The following SEMA3F variants were observed in gnomAD, a reference collection of about 807,000 sequenced individuals.
SEMA3F encodes semaphorin 3F, also known as semaphorin-3F.
A neutral mutation model predicts 98.5 loss-of-function variants in SEMA3F; 30 were observed. That is an observed-to-expected ratio of 0.30 (90% confidence interval 0.23 to 0.41). The LOEUF (loss-of-function observed/expected upper bound fraction) is 0.41, where lower values mean the gene tolerates loss of function less well. Among genes scored for constraint, SEMA3F ranks in the 10% least tolerant of loss-of-function variants. The pLI, the probability that SEMA3F is intolerant of heterozygous loss-of-function variation, is 1.00. For missense variants in SEMA3F, 866 were observed against 1,119.3 expected, an observed-to-expected ratio of 0.77 and a Z score of 3.23; for synonymous variants, 380 against 444.8, an observed-to-expected ratio of 0.85 and a Z score of 1.83.
At chr3:50,183,100 T>C in intron 10 of SEMA3F, 82 bp downstream of exon 10, 2 of 1,562,454 alleles carry the variant, frequency 1.3e-6, no homozygotes, top group South Asian at 2.2e-5. Flanking sequence ...GTGCCTTTGG[T>C]GGGCCCCCTC....
chr3:50,186,294 C>T lies in SEMA3F; in HGVS notation c.1759C>T (p.Gln587Ter). The T allele has an allele frequency of 6.2e-7, 1 of 1,613,790 alleles. No homozygotes were observed. Among genetic ancestry groups the T allele is most frequent in the Non-Finnish European group, 8.5e-7 (1 of 1,179,970 alleles). Reference sequence around the variant, plus strand: ...ATCCTCATCCAGGCGGAGCCGCCGGCAGGACGTCCGGCACGGAAACCCCAT... The same window carrying T: ...ATCCTCATCCAGGCGGAGCCGCCGGTAGGACGTCCGGCACGGAAACCCCAT... ...TASSKRRSRR[Q>*]DVRHGNPIRQ... is the part of the protein sequence containing the mutation. The change falls in exon 17 of 19, where the codon CAG becomes TAG. Residue 587 changes from glutamine to a stop codon, truncating the protein, a stop_gained. Transcript: ENST00000002829. LOFTEE classifies it high-confidence loss of function.
intron 2 of SEMA3F, among the ~76,000 whole-genome samples, chr3:50,170,836 T>C (rs935883137): frequency 2.0e-5 from 3 of 152,052 alleles, no homozygotes; most frequent in African/African-American, 4.8e-5. Flanking sequence ...AAGCGTCACG[T>C]CCTGTGACAC....
Position 50,186,340 on chromosome 3 carries a change from A to T in SEMA3F, c.1805A>T (p.Asn602Ile). ...CCCATCAGGCAGTGCCGTGGGTTCA[A>T]CTCCAATGGTGAGTATGCTGGGCCT... The part of the protein sequence containing the change: ...GNPIRQCRGF[N>I]SNANKNAVES... Residue 602 changes from asparagine to isoleucine, a missense_variant, in exon 17 of 19, where the codon AAC (asparagine) becomes ATC (isoleucine). By Grantham distance (149) the Asn-to-Ile change is moderately radical (BLOSUM62 -3). Coordinates refer to ENST00000002829, the MANE Select transcript of SEMA3F (RefSeq NM_004186.5). 1 of 1,613,670 alleles carries T rather than the reference A, an allele frequency of 6.2e-7. No individual in the cohort carries two copies. Among genetic ancestry groups the T allele is most frequent in the Non-Finnish European group, 8.5e-7 (1 of 1,179,882 alleles).
chr3:50,182,477 GT>G lies in SEMA3F; in HGVS notation c.763+75del. The G allele has an allele frequency of 3.1e-6, 5 of 1,599,450 alleles. No homozygotes were observed. The highest frequency in any genetic ancestry group is 4.3e-6 in the Non-Finnish European group (5 of 1,173,050). ...GCAAGGAGGTCGTAAAGAAGCACATGTGGGGGAAGTGGGGACATGTTTAGCC... is the reference window on the plus strand; with the variant it reads ...GCAAGGAGGTCGTAAAGAAGCACATGGGGGGAAGTGGGGACATGTTTAGCC... On this transcript the variant is annotated intron_variant, in intron 8 of 18. Transcript: ENST00000002829. The surrounding 1 kb of genome is among the most constrained non-coding windows in gnomAD (Gnocchi z 4.5).
chr3:50,167,578 T>C (rs953059683), intron 2 of SEMA3F, among the ~76,000 whole-genome samples: 25 of 145,170 alleles, frequency 1.7e-4, no homozygotes, highest in African/African-American at 5.5e-4. Context: ...CCCCAGCCTT[T>C]AGTCACTGAA....
intron 2 of SEMA3F, among the ~76,000 whole-genome samples, chr3:50,169,709 G>C (rs2109077579): frequency 6.6e-6 from 1 of 152,374 alleles, no homozygotes; most frequent in Non-Finnish European, 1.5e-5. Flanking sequence ...CCTGCTGCCA[G>C]AGCCGGGCGT....
chr3:50,182,887 C>T lies in SEMA3F; in HGVS notation c.904-17C>T. On this transcript the variant is annotated splice_polypyrimidine_tract_variant and intron_variant, in intron 9 of 18. Transcript: ENST00000002829. This position sits in a 1 kb window ranked among gnomAD's most constrained non-coding sequence, Gnocchi z 4.5. ...GTCAAGAGCTGATCTGACCCGGCCT[C>T]TTGCCCCACCCCCCAGAACGATGAC... The T allele has an allele frequency of 6.2e-7, 1 of 1,613,340 alleles. No individual in the cohort carries two copies. Among genetic ancestry groups the T allele is most frequent in the Non-Finnish European group, 8.5e-7 (1 of 1,179,614 alleles).
At chr3:50,186,865 C>T (rs1559740695) in intron 18 of SEMA3F, 119 bp downstream of exon 18, 1 of 1,069,052 alleles carries the variant, frequency 9.4e-7, no homozygotes, top group Non-Finnish European at 1.3e-6. Flanking sequence ...AGCTCCCTTC[C>T]CTACATGCAA....
intron 2 of SEMA3F, among the ~76,000 whole-genome samples, chr3:50,173,019 T>C (rs913508969): frequency 3.3e-5 from 5 of 152,196 alleles, no homozygotes; most frequent in East Asian, 3.8e-4. Context: ...CGCCCTTTCA[T>C]TGGGACCCAG....
chr3:50,182,171 A>G lies in SEMA3F; in HGVS notation c.644-113A>G, dbSNP rs1305620774. 2.2e-6 allele frequency: 3 copies of G among 1,349,116 alleles called. No homozygotes were observed. The highest frequency in any genetic ancestry group is 3.6e-5 in the Admixed American group (2 of 55,978). The allele number at this position is 1,349,116 out of a possible 1,614,324, so 83.6% of individuals were successfully genotyped here. Reference sequence around the variant, plus strand: ...CCAGCACTCCACTGGAGATAGGATCATGCCCCAGGGAGCCTGAGCGGGGAG... The same window carrying G: ...CCAGCACTCCACTGGAGATAGGATCGTGCCCCAGGGAGCCTGAGCGGGGAG... On this transcript the variant is annotated intron_variant, in intron 7 of 18. Coordinates refer to ENST00000002829, the MANE Select transcript of SEMA3F (RefSeq NM_004186.5). The surrounding 1 kb of genome is among the most constrained non-coding windows in gnomAD (Gnocchi z 4.5).
upstream of SEMA3F, chr3:50,155,256 G>A (rs889033667): frequency 1.2e-5 from 4 of 331,876 alleles, no homozygotes; most frequent in Non-Finnish European, 2.2e-5. This position sits in a 1 kb window ranked among gnomAD's most constrained non-coding sequence, Gnocchi z 4.9. Flanking sequence ...CGCGCCCCGC[G>A]CTGGGGAATG....
chr3:50,182,149 G>C lies in SEMA3F; in HGVS notation c.644-135G>C. 9.4e-7 allele frequency: 1 copy of C among 1,067,282 alleles called. No homozygotes were observed. 66.1% of individuals were successfully genotyped at this position (1,067,282 alleles called of 1,614,324 possible). On this transcript the variant is annotated intron_variant, in intron 7 of 18. Coordinates refer to ENST00000002829, the MANE Select transcript of SEMA3F (RefSeq NM_004186.5). This position sits in a 1 kb window ranked among gnomAD's most constrained non-coding sequence, Gnocchi z 4.5. ...AGAGCCAGTGGTGAAACACTGACCA[G>C]CACTCCACTGGAGATAGGATCATGC... is the stretch of plus-strand genomic sequence containing the variant.
In SEMA3F at chr3:50,159,717, T is replaced by C; in HGVS notation, c.95T>C (p.Val32Ala). 2 of 1,610,174 alleles carry C rather than the reference T, an allele frequency of 1.2e-6. No individual in the cohort carries two copies. The highest frequency in any genetic ancestry group is 1.7e-6 in the Non-Finnish European group (2 of 1,177,236). ...GACCACCTCCCGGCCACGCCCCGGG[T>C]CCGGCTCTCATTCAAAGGTAAGAAG... Reference protein sequence around the residue: ...TQDHLPATPRVRLSFKELKAT... With the variant: ...TQDHLPATPRARLSFKELKAT... Residue 32 changes from valine (V) to alanine (A), a missense_variant, in exon 2 of 19, where the codon GTC (valine) becomes GCC (alanine). Physicochemically the swap from Val to Ala is moderately conservative, Grantham distance 64 (BLOSUM62 0). Coordinates refer to ENST00000002829, the MANE Select transcript of SEMA3F (RefSeq NM_004186.5).
chr3:50,181,411 T>G (rs1460802740), intron 7 of SEMA3F, among the ~76,000 whole-genome samples: 1 of 151,346 alleles, frequency 6.6e-6, no homozygotes, highest in Non-Finnish European at 1.5e-5. Flanking sequence ...AACTTCCGCC[T>G]CCCAGGTTTA....
Position 50,182,160 on chromosome 3 carries a change from G to T in SEMA3F, c.644-124G>T, listed in dbSNP as rs1203562402. On this transcript the variant is annotated intron_variant, in intron 7 of 18. Coordinates refer to ENST00000002829, the MANE Select transcript of SEMA3F (RefSeq NM_004186.5). This position sits in a 1 kb window ranked among gnomAD's most constrained non-coding sequence, Gnocchi z 4.5. ...TGAAACACTGACCAGCACTCCACTG[G>T]AGATAGGATCATGCCCCAGGGAGCC... The T allele has an allele frequency of 1.6e-6, 2 of 1,217,922 alleles. No individual in the cohort carries two copies. 75.4% of individuals were successfully genotyped at this position (1,217,922 alleles called of 1,614,324 possible). A position where few individuals can be genotyped will look rare whatever the true frequency, so the allele number is the denominator to read the frequency against.
At position 50,186,593 on chromosome 3, in the gene SEMA3F, C is replaced by A; in HGVS notation, c.1814-20C>A. Reference sequence around the variant, plus strand: ...GCCCGGAGGTGATGCTGCTTTTGCTCAACCCCTCTCACTCTAAAGCCAACA... The same window carrying A: ...GCCCGGAGGTGATGCTGCTTTTGCTAAACCCCTCTCACTCTAAAGCCAACA... On this transcript the variant is annotated intron_variant, in intron 17 of 18. Coordinates refer to ENST00000002829, the MANE Select transcript of SEMA3F (RefSeq NM_004186.5). 2 of 1,578,044 alleles carry A rather than the reference C, an allele frequency of 1.3e-6. No homozygotes were observed. The highest frequency in any genetic ancestry group is 1.1e-5 in the South Asian group (1 of 88,162).
Position 50,174,081 on chromosome 3 carries a change from C to G in SEMA3F, c.303C>G (p.Ile101Met). The G allele has an allele frequency of 1.2e-6, 2 of 1,614,136 alleles. No individual in the cohort carries two copies. The highest frequency in any genetic ancestry group is 1.7e-6 in the Non-Finnish European group (2 of 1,180,030). ...IIHWAASPQRIEECVLSGKDV... is the reference protein window; with the variant it reads ...IIHWAASPQRMEECVLSGKDV... ...ACTGGGCAGCCTCCCCACAGCGCAT[C>G]GAGGAATGCGTGCTCTCAGGCAAGG... Residue 101 changes from isoleucine (I) to methionine (M), a missense_variant, in exon 4 of 19, where the codon ATC becomes ATG. By Grantham distance (10) the Ile-to-Met change is conservative. Transcript: ENST00000002829.
chr3:50,179,099 A>G (rs1419302572), intron 7 of SEMA3F, among the ~76,000 whole-genome samples: 1 of 152,090 alleles, frequency 6.6e-6, no homozygotes, highest in Non-Finnish European at 1.5e-5. Context: ...CTGGGATTAC[A>G]GGCGTGAGCC....
In SEMA3F at chr3:50,173,864, A is replaced by C. The variant is rs548177299; in HGVS notation, c.184A>C (p.Lys62Gln). 1 of 1,614,130 alleles carries C rather than the reference A, an allele frequency of 6.2e-7. No homozygotes were observed. Among genetic ancestry groups the C allele is most frequent in the South Asian group, 1.1e-5 (1 of 91,088 alleles). ...CACAACCGACTACCGAATCTTGCTCAAGGACGAGGACCACGACCGCATGTA... is the reference window on the plus strand; with the variant it reads ...CACAACCGACTACCGAATCTTGCTCCAGGACGAGGACCACGACCGCATGTA... ...LNTTDYRILL[K>Q]DEDHDRMYVG... The change falls in exon 3 of 19, where the codon AAG becomes CAG. Residue 62 changes from lysine (K) to glutamine (Q), a missense_variant. Physicochemically the swap from Lys to Gln is moderately conservative, Grantham distance 53 (BLOSUM62 1). Coordinates refer to ENST00000002829, the MANE Select transcript of SEMA3F (RefSeq NM_004186.5).
Sources: gnomAD v4.1 joint callset for allele counts (sites outside exome capture counted in the v4.1 genomes callset) on GRCh38, gnomAD v4.1.1 for gene constraint, Gnocchi (gnomAD v3.1) non-coding constraint, MANE v1.5 for transcripts, NCBI Gene and HGNC (gene_info 2026-07-23, HGNC 2026-07-21) for gene names.